Variants in CIRSR observed in about 807,000 individuals in gnomAD.
CIRSR encodes corepressor of RBPJ and splicing regulator, also known as CBF1 (RBPJ) interacting corepressor 1.
chr2:174,371,280 T>A, the CIRSR span, among the ~76,000 whole-genome samples: 1 of 152,318 alleles, frequency 6.6e-6, no homozygotes. Context: ...ATGCAAATTA[T>A]AGTTCACGAA....
the CIRSR span, among the ~76,000 whole-genome samples, chr2:174,360,002 T>A: frequency 5.3e-5 from 8 of 152,104 alleles, no homozygotes; most frequent in South Asian, 2.1e-4. Context: ...TAGGTAGGAA[T>A]TGAACAATGA....
chr2:174,383,849 CAAAAAAAAAA>C, the CIRSR span, among the ~76,000 whole-genome samples: 1 of 121,470 alleles, frequency 8.2e-6, no homozygotes, highest in Non-Finnish European at 1.8e-5. Context: ...AGCTATCTTC[CAAAAAAAAAA>C]AAAAAAAAGA....
chr2:174,370,218 T>C, the CIRSR span, among the ~76,000 whole-genome samples: 27 of 152,294 alleles, frequency 1.8e-4, no homozygotes, highest in Middle Eastern at 3.4e-3. Context: ...TTTATTTATT[T>C]ACAAAAAGTT....
the CIRSR span, chr2:174,395,684 C>T: frequency 1.9e-6 from 3 of 1,613,252 alleles, no homozygotes; most frequent in East Asian, 2.2e-5. Context: ...CAAACTCAGC[C>T]GCCTAACCGG....
chr2:174,351,712 G>A, the CIRSR span: 1 of 1,612,170 alleles, frequency 6.2e-7, no homozygotes, highest in South Asian at 1.1e-5. Context: ...GCTCCGAGGG[G>A]TGCATCGATG....
the CIRSR span, among the ~76,000 whole-genome samples, chr2:174,391,220 G>A: frequency 6.6e-6 from 1 of 152,138 alleles, no homozygotes; most frequent in African/African-American, 2.4e-5. Context: ...GTTTTGAAAA[G>A]GATCAAGGCA....
At chr2:174,376,096 A>G in the CIRSR span, among the ~76,000 whole-genome samples, 1 of 152,128 alleles carries the variant, frequency 6.6e-6, no homozygotes, top group Non-Finnish European at 1.5e-5. Flanking sequence ...CCTGAGCTCA[A>G]GCAATCCTCC....
At chr2:174,384,344 T>C in the CIRSR span, among the ~76,000 whole-genome samples, 1 of 152,212 alleles carries the variant, frequency 6.6e-6, no homozygotes, top group Non-Finnish European at 1.5e-5. Flanking sequence ...GAAAGTAGAA[T>C]GGTGGTTGCC....
the CIRSR span, among the ~76,000 whole-genome samples, chr2:174,365,609 A>G: frequency 6.6e-6 from 1 of 152,242 alleles, no homozygotes; most frequent in Non-Finnish European, 1.5e-5. Context: ...GAAGGCAAGG[A>G]GGAGCAAGTC....
At chr2:174,389,618 A>T in the CIRSR span, among the ~76,000 whole-genome samples, 1 of 152,224 alleles carries the variant, frequency 6.6e-6, no homozygotes, top group African/African-American at 2.4e-5. Flanking sequence ...AATTTGCATA[A>T]ATAATGAGAA....
At chr2:174,349,142 CT>C in the CIRSR span, 11 of 1,480,616 alleles carry the variant, frequency 7.4e-6, no homozygotes, top group Admixed American at 2.8e-5. Context: ...TATCTTTTTT[CT>C]TTTTTTTCTT....
the CIRSR span, among the ~76,000 whole-genome samples, chr2:174,377,835 A>C: frequency 6.6e-6 from 1 of 151,392 alleles, no homozygotes; most frequent in Non-Finnish European, 1.5e-5. Flanking sequence ...AAAAAAAAAA[A>C]AAAAAAAAAA....
chr2:174,358,271 G>C, the CIRSR span: 1 of 152,044 alleles, frequency 6.6e-6, no homozygotes, highest in Non-Finnish European at 1.5e-5. Flanking sequence ...AGGGAATCTT[G>C]CTCTATCGCC....
chr2:174,381,235 G>A, the CIRSR span, among the ~76,000 whole-genome samples: 1 of 152,148 alleles, frequency 6.6e-6, no homozygotes, highest in Non-Finnish European at 1.5e-5. Context: ...TTATTCTGTT[G>A]TATGATTATA....
chr2:174,386,764 C>T, the CIRSR span, among the ~76,000 whole-genome samples: 1 of 152,220 alleles, frequency 6.6e-6, no homozygotes, highest in Non-Finnish European at 1.5e-5. Flanking sequence ...TTAAATGTCA[C>T]CTCTTCCATA....
the CIRSR span, among the ~76,000 whole-genome samples, chr2:174,349,722 A>G: frequency 2.0e-5 from 3 of 152,188 alleles, no homozygotes; most frequent in Non-Finnish European, 2.9e-5. Context: ...ATACTTCAAT[A>G]GTAATGACTA....
At chr2:174,349,284 T>C in the CIRSR span, 9 of 706,888 alleles carry the variant, frequency 1.3e-5, no homozygotes, top group South Asian at 7.3e-5. Flanking sequence ...ATAGTATCCA[T>C]GGCAGAGCGC....
At chr2:174,359,278 T>A in the CIRSR span, among the ~76,000 whole-genome samples, 433 of 151,044 alleles carry the variant, frequency 2.9e-3, 6 homozygotes, top group African/African-American at 0.01. Context: ...GTTGGTTACC[T>A]GGGTGTATAC....
chr2:174,390,688 G>A, the CIRSR span, among the ~76,000 whole-genome samples: 60 of 138,902 alleles, frequency 4.3e-4, no homozygotes, highest in Non-Finnish European at 2.5e-4. Context: ...CATAATCCCC[G>A]CGTATCGTGG....
Sources: gnomAD v4.1 joint callset for allele counts (sites outside exome capture counted in the v4.1 genomes callset) on GRCh38, gnomAD v4.1.1 for gene constraint, MANE v1.5 for transcripts, NCBI Gene and HGNC (gene_info 2026-07-23, HGNC 2026-07-21) for gene names.